HYAL3: variants seen among roughly 807,000 people sequenced by gnomAD.
The protein encoded by HYAL3 is hyaluronidase 3.
A neutral mutation model predicts 29.6 loss-of-function variants in HYAL3; 25 were observed. The observed-to-expected ratio is 0.85, with a 90% CI of 0.62 to 1.18. The LOEUF is 1.18. Among genes scored for constraint, HYAL3 ranks in the 50% most tolerant of loss-of-function variants. HYAL3 has a pLI of 0.00. For synonymous variants in HYAL3, 215 were observed against 218.3 expected (o/e 0.99, Z 0.13); for missense variants, 442 against 548.4 (o/e 0.81, Z 1.94).
Position 50,297,657 on chromosome 3 carries a change from C to T in HYAL3, c.-18+1556G>A. On this transcript the variant is annotated intron_variant, in intron 1 of 3. Coordinates refer to ENST00000336307, the MANE Select transcript of HYAL3 (RefSeq NM_003549.4). The surrounding 1 kb of genome is among the most constrained non-coding windows in gnomAD (Gnocchi z 4.3). ...TCCAGGCAGTAGCATCTCTTCAGAC[C>T]ACAGTGGCTCTCCTCCTGTAGATAA... is the stretch of plus-strand genomic sequence containing the variant. 3 of 1,416,210 alleles carry T rather than the reference C, an allele frequency of 2.1e-6. No homozygotes were observed. The highest frequency in any genetic ancestry group is 2.8e-6 in the Non-Finnish European group (3 of 1,090,698). The allele number at this position is 1,416,210 out of a possible 1,614,324, so 87.7% of individuals were successfully genotyped here. A position where few individuals can be genotyped will look rare whatever the true frequency, so the allele number is the denominator to read the frequency against.
chr3:50,295,763 T>G, intron 1 of HYAL3, 144 bp from the exon 2 acceptor site: 5 of 606,126 alleles, frequency 8.2e-6, no homozygotes, highest in Middle Eastern at 5.3e-4. Context: ...CAGGGGTCTC[T>G]TGGGCCTTTT....
At chr3:50,296,966 G>C in intron 1 of HYAL3, 1 of 1,595,022 alleles carries the variant, frequency 6.3e-7, no homozygotes, top group East Asian at 2.2e-5. Flanking sequence ...GGAAGCCCCG[G>C]GCCCGAGCAA....
rs587606556 is a variant in HYAL3 at position 50,298,190 on chromosome 3, C to T, written c.-18+1023G>A. On this transcript the variant is annotated intron_variant, in intron 1 of 3. Transcript: ENST00000336307. ...TGCCCGGGAGTCTTCCTGTCCCTTT[C>T]TTCTCCCTATGTTCCGAGTCTCCTC... The T allele has an allele frequency of 1.1e-4, 79 of 750,870 alleles. No homozygotes were observed. The African/African-American group carries it at 1.4e-3, about 13-fold the overall frequency. The allele number at this position is 750,870 out of a possible 1,614,324, so 46.5% of individuals were successfully genotyped here. A position where few individuals can be genotyped will look rare whatever the true frequency, so the allele number is the denominator to read the frequency against.
intron 1 of HYAL3, chr3:50,298,945 C>T: frequency 7.0e-7 from 1 of 1,420,230 alleles, no homozygotes; most frequent in South Asian, 1.5e-5. Context: ...CGACCCCACC[C>T]ACTGTGGGCG....
intron 1 of HYAL3, chr3:50,296,556 G>C (rs782360508): frequency 1.9e-6 from 3 of 1,583,890 alleles, no homozygotes; most frequent in Admixed American, 1.7e-5. Context: ...GTAGACTGTC[G>C]GGGCAGTCTA....
chr3:50,297,309 G>T lies in HYAL3; in HGVS notation c.-17-1690C>A. 6.2e-7 allele frequency: 1 copy of T among 1,605,264 alleles called. No homozygotes were observed. The highest frequency in any genetic ancestry group is 8.5e-7 in the Non-Finnish European group (1 of 1,174,214). On this transcript the variant is annotated intron_variant, in intron 1 of 3. Coordinates refer to ENST00000336307, the MANE Select transcript of HYAL3 (RefSeq NM_003549.4). The surrounding 1 kb of genome is among the most constrained non-coding windows in gnomAD (Gnocchi z 4.3). ...CAACTCAGCCAGGCTAGGAGCTGGGGTCTCCTCTGGCTGGTGTTCAGGATC... is the reference window on the plus strand; with the variant it reads ...CAACTCAGCCAGGCTAGGAGCTGGGTTCTCCTCTGGCTGGTGTTCAGGATC...
intron 1 of HYAL3, chr3:50,296,512 T>A: frequency 6.9e-7 from 1 of 1,451,642 alleles, no homozygotes; most frequent in Non-Finnish European, 9.4e-7. Context: ...CCCCAGGGGC[T>A]AGGGGCTGAG....
intron 2 of HYAL3, among the ~76,000 whole-genome samples, chr3:50,294,232 GA>G (rs1367816529): frequency 6.6e-6 from 1 of 152,096 alleles, no homozygotes; most frequent in East Asian, 1.9e-4. Context: ...ACCAGGAAGT[GA>G]AGGCCGCAGT....
chr3:50,296,106 TC>T (rs1202827539), intron 1 of HYAL3, among the ~76,000 whole-genome samples: 1 of 152,140 alleles, frequency 6.6e-6, no homozygotes, highest in Non-Finnish European at 1.5e-5. Flanking sequence ...CCTCTGTACC[TC>T]CCCTGTGCCA....
Position 50,293,421 on chromosome 3 carries a change from C to T in HYAL3, c.1079G>A (p.Arg360Gln), listed in dbSNP as rs781918985. 32 of 1,613,568 alleles carry T rather than the reference C, an allele frequency of 2.0e-5. No homozygotes were observed. Among genetic ancestry groups the T allele is most frequent in the Admixed American group, 1.5e-4 (9 of 60,002 alleles). Reference sequence around the variant, plus strand: ...GGCACAGCGCCCGTGGCCATGGCACCGCTGGTGACTGCAGGCCATCGCTGC... The same window carrying T: ...GGCACAGCGCCCGTGGCCATGGCACTGCTGGTGACTGCAGGCCATCGCTGC... Reference protein sequence around the residue: ...TRAAMACSHQRCHGHGRCARR... With the variant: ...TRAAMACSHQQCHGHGRCARR... The change falls in exon 4 of 4, where the codon CGG (arginine) becomes CAG (glutamine). Residue 360 changes from arginine (R) to glutamine (Q), a missense_variant. By Grantham distance (43) the Arg-to-Gln change is conservative. Coordinates refer to ENST00000336307, the MANE Select transcript of HYAL3 (RefSeq NM_003549.4).
At chr3:50,294,579 T>C in intron 2 of HYAL3, 130 bp downstream of exon 2, 3 of 725,042 alleles carry the variant, frequency 4.1e-6, no homozygotes, top group Non-Finnish European at 6.1e-6. Context: ...CATCAGATGC[T>C]CCAGGACAGG....
In HYAL3 at chr3:50,293,251, C is replaced by G. The variant is rs1553710287; in HGVS notation, c.1249G>C (p.Val417Leu). The G allele has an allele frequency of 3.1e-6, 5 of 1,612,996 alleles. No individual in the cohort carries two copies. The highest frequency in any genetic ancestry group is 4.2e-6 in the Non-Finnish European group (5 of 1,180,038). Residue 417 changes from valine to leucine, a missense_variant, in exon 4 of 4, where the codon GTA becomes CTA. By Grantham distance (32) the Val-to-Leu change is conservative. Transcript: ENST00000336307. ...CAGTGGCAGGGGCCCTGGCTTTATACTGCTTCTTTAGGCCCAGGCCTGGGC... is the reference window on the plus strand; with the variant it reads ...CAGTGGCAGGGGCCCTGGCTTTATAGTGCTTCTTTAGGCCCAGGCCTGGGC... Reference protein sequence around the residue: ...QEPRPGPKEAV With the variant: ...QEPRPGPKEAL
chr3:50,296,485 C>G, intron 1 of HYAL3: 1 of 1,231,048 alleles, frequency 8.1e-7, no homozygotes, highest in Non-Finnish European at 1.1e-6. Flanking sequence ...AGGAAACATG[C>G]CCAGGTTAAA....
At chr3:50,296,880 T>C (rs1553711292) in intron 1 of HYAL3, 5 of 1,605,664 alleles carry the variant, frequency 3.1e-6, no homozygotes, top group Middle Eastern at 1.7e-4. Flanking sequence ...GACCAGGCCC[T>C]GCACAGGCTC....
chr3:50,298,914 C>A (rs1469506845), intron 1 of HYAL3: 6 of 1,362,300 alleles, frequency 4.4e-6, no homozygotes, highest in Non-Finnish European at 5.7e-6. Flanking sequence ...GGCTTCCCCG[C>A]GGCCTTAACC....
At position 50,293,414 on chromosome 3, in the gene HYAL3, A is replaced by G. The variant is rs782280282; in HGVS notation, c.1086T>C (p.His362=). 7.4e-6 allele frequency: 12 copies of G among 1,613,712 alleles called. No individual in the cohort carries two copies. Among genetic ancestry groups the G allele is most frequent in the Middle Eastern group, 1.7e-4 (1 of 6,060 alleles). Residue 362 remains histidine (H), a synonymous_variant, in exon 4 of 4, where the codon CAT becomes CAC. Coordinates refer to ENST00000336307, the MANE Select transcript of HYAL3 (RefSeq NM_003549.4). ...AAMACSHQRC[H]GHGRCARRDP... Reference sequence around the variant, plus strand: ...CTCGCCGGGCACAGCGCCCGTGGCCATGGCACCGCTGGTGACTGCAGGCCA... The same window carrying G: ...CTCGCCGGGCACAGCGCCCGTGGCCGTGGCACCGCTGGTGACTGCAGGCCA...
At chr3:50,298,199 A>G in intron 1 of HYAL3, 1 of 687,360 alleles carries the variant, frequency 1.5e-6, no homozygotes, top group Non-Finnish European at 1.8e-6. Context: ...TCTTCTCCCT[A>G]TGTTCCGAGT....
Position 50,295,028 on chromosome 3 carries a change from C to A in HYAL3, c.575G>T (p.Arg192Leu). The A allele has an allele frequency of 6.2e-7, 1 of 1,613,408 alleles. No homozygotes were observed. The highest frequency in any genetic ancestry group is 8.5e-7 in the Non-Finnish European group (1 of 1,179,946). ...EDTLRVAQAL[R>L]PHGLWGFYHY... ...ATAGAAGCCCCAGAGTCCATGGGGC[C>A]GTAGTGCCTGGGCCACCCGCAGCGT... Residue 192 changes from arginine (R) to leucine (L), a missense_variant, in exon 2 of 4, where the codon CGG (arginine) becomes CTG (leucine). By Grantham distance (102) the Arg-to-Leu change is moderately radical. Coordinates refer to ENST00000336307, the MANE Select transcript of HYAL3 (RefSeq NM_003549.4).
chr3:50,295,751 C>T (rs782118224), intron 1 of HYAL3, 132 bp from the exon 2 acceptor site: 126 of 737,500 alleles, frequency 1.7e-4, no homozygotes, highest in Non-Finnish European at 1.1e-4. Context: ...AGCATGTTTC[C>T]CCAGGGGTCT....
Sources: gnomAD v4.1 joint callset for allele counts (sites outside exome capture counted in the v4.1 genomes callset) on GRCh38, gnomAD v4.1.1 for gene constraint, Gnocchi (gnomAD v3.1) non-coding constraint, MANE v1.5 for transcripts, NCBI Gene and HGNC (gene_info 2026-07-23, HGNC 2026-07-21) for gene names.